ZNF569: variants seen among roughly 807,000 people sequenced by gnomAD.
ZNF569 encodes zinc finger protein 569.
ZNF569 carries 38 observed loss-of-function variants against 56.3 expected under a neutral mutation model. That is an observed-to-expected ratio of 0.68 (90% CI 0.52 to 0.88). The LOEUF is 0.88. ZNF569 is among the 40% of genes least tolerant of loss of function. The pLI is 0.00. For missense variants in ZNF569, 666 were observed against 809.2 expected, an observed-to-expected ratio of 0.82 and a Z score of 2.15; for synonymous variants, 241 against 262.9, an observed-to-expected ratio of 0.92 and a Z score of 0.81.
intron 2 of ZNF569, among the ~76,000 whole-genome samples, chr19:37,448,538 C>T (rs2146949117): frequency 6.8e-6 from 1 of 146,330 alleles, no homozygotes; most frequent in East Asian, 2.0e-4. Flanking sequence ...TTCAAATTGT[C>T]CTGAATTATG....
intron 2 of ZNF569, chr19:37,455,128 G>A: frequency 2.6e-6 from 1 of 388,154 alleles, no homozygotes. Flanking sequence ...AAGTCCTTCA[G>A]TTTATTTTGT....
intron 2 of ZNF569, among the ~76,000 whole-genome samples, chr19:37,462,223 C>T (rs1181182882): frequency 1.3e-5 from 2 of 152,046 alleles, no homozygotes; most frequent in Non-Finnish European, 1.5e-5. Flanking sequence ...CTGTTATTGC[C>T]GTGGTCAAGC....
At chr19:37,424,402 C>T (rs867179349) in intron 5 of ZNF569, among the ~76,000 whole-genome samples, 17 of 152,088 alleles carry the variant, frequency 1.1e-4, no homozygotes, top group African/African-American at 3.9e-4. Flanking sequence ...ATCTAGCACA[C>T]AGGTAAGAAA....
chr19:37,450,825 T>A (rs2041579898), intron 2 of ZNF569, among the ~76,000 whole-genome samples: 1 of 152,206 alleles, frequency 6.6e-6, no homozygotes, highest in South Asian at 2.1e-4. Context: ...ATGTTGTGTT[T>A]TTGTTTGCCT....
intron 2 of ZNF569, among the ~76,000 whole-genome samples, chr19:37,446,567 A>AG (rs2041500335): frequency 7.1e-5 from 10 of 141,000 alleles, no homozygotes; most frequent in African/African-American, 1.9e-4. Flanking sequence ...AAAAAAAAAA[A>AG]AAGAATGAAA....
chr19:37,439,728 A>C (rs937038771), intron 3 of ZNF569, among the ~76,000 whole-genome samples: 1 of 152,232 alleles, frequency 6.6e-6, no homozygotes, highest in East Asian at 1.9e-4. Context: ...ATTCAGCCAT[A>C]AAAAAGAAGA....
chr19:37,467,437 C>T lies in ZNF569; in HGVS notation c.-558G>A, dbSNP rs1284120454. 1.1e-5 allele frequency: 2 copies of T among 174,316 alleles called. No individual in the cohort carries two copies. The highest frequency in any genetic ancestry group is 4.8e-5 in the African/African-American group (2 of 42,010). The allele number at this position is 174,316 out of a possible 1,614,324, so 10.8% of individuals were successfully genotyped here. On this transcript the variant is annotated 5_prime_UTR_variant, in exon 1 of 6. Transcript: ENST00000316950. ...TGAGAAGAATCGAATCGTTCCGCTGCTTCCTGCGCCGAACTACATTTCCCA... is the reference window on the plus strand; with the variant it reads ...TGAGAAGAATCGAATCGTTCCGCTGTTTCCTGCGCCGAACTACATTTCCCA...
chr19:37,419,795 C>T (rs746540304), intron 5 of ZNF569, among the ~76,000 whole-genome samples: 29 of 151,792 alleles, frequency 1.9e-4, no homozygotes, highest in Non-Finnish European at 3.1e-4. Context: ...AAAATGTACA[C>T]CTTAATTTTA....
intron 5 of ZNF569, among the ~76,000 whole-genome samples, chr19:37,420,329 T>C (rs1351832047): frequency 1.3e-5 from 2 of 152,090 alleles, no homozygotes; most frequent in Admixed American, 6.6e-5. Context: ...TTGATTGACT[T>C]TTCTTTCACA....
At chr19:37,423,612 G>A (rs998099784) in intron 5 of ZNF569, among the ~76,000 whole-genome samples, 1 of 152,088 alleles carries the variant, frequency 6.6e-6, no homozygotes, top group Non-Finnish European at 1.5e-5. Flanking sequence ...GTACTTCAAC[G>A]AGGAATAATC....
At chr19:37,441,455 C>T (rs906409666) in intron 3 of ZNF569, among the ~76,000 whole-genome samples, 20 of 152,010 alleles carry the variant, frequency 1.3e-4, no homozygotes, top group Non-Finnish European at 2.8e-4. Flanking sequence ...CCCAGGAGTT[C>T]GAGATCAGCC....
At chr19:37,415,593 G>A (rs62110392) in intron 5 of ZNF569, among the ~76,000 whole-genome samples, 17,007 of 151,930 alleles carry the variant, frequency 0.11, 1,221 homozygotes, top group Non-Finnish European at 0.16. Context: ...TTAAGAGGCC[G>A]GGCGCGGTGG....
upstream of ZNF569, chr19:37,467,892 T>C (rs1600367650): frequency 6.5e-7 from 1 of 1,536,014 alleles, no homozygotes; most frequent in Non-Finnish European, 8.7e-7. Flanking sequence ...TCAGAGACAA[T>C]GTGCATGTAT....
chr19:37,416,618 ATT>A (rs2040937991), intron 5 of ZNF569, among the ~76,000 whole-genome samples: 1 of 152,146 alleles, frequency 6.6e-6, no homozygotes, highest in Non-Finnish European at 1.5e-5. Flanking sequence ...TATGTAAATC[ATT>A]GTTATACTAT....
At chr19:37,468,174 ACT>A (rs2041883233), upstream of ZNF569, 4 of 533,956 alleles carry the variant, frequency 7.5e-6, no homozygotes, top group Admixed American at 3.5e-5. Flanking sequence ...GCAGCCTCGA[ACT>A]CCCGGGCTCA....
At chr19:37,430,194 CA>C (rs57159479) in intron 3 of ZNF569, among the ~76,000 whole-genome samples, 8,275 of 133,008 alleles carry the variant, frequency 0.062, 565 homozygotes, top group African/African-American at 0.17. Context: ...GACCCTATCT[CA>C]AAAAAAAAAA....
Position 37,413,198 on chromosome 19 carries a change from ATT to A in ZNF569, c.1458_1459del (p.Lys486AsnfsTer9). 1 of 1,606,214 alleles carries A rather than the reference ATT, an allele frequency of 6.2e-7. No homozygotes were observed. The highest frequency in any genetic ancestry group is 8.5e-7 in the Non-Finnish European group (1 of 1,177,550). ...TTCATAGGGTTTCTCTCCAGAATGA[ATT>A]TTTTCATGAGCAATGAGATTTGATT... On this transcript the variant is annotated frameshift_variant, in exon 6 of 6. Coordinates refer to ENST00000316950, the MANE Select transcript of ZNF569 (RefSeq NM_152484.3). LOFTEE classifies it high-confidence loss of function.
chr19:37,426,093 T>A (rs2041127144), intron 4 of ZNF569, 130 bp from the exon 5 acceptor site: 1 of 1,305,830 alleles, frequency 7.7e-7, no homozygotes, highest in Admixed American at 2.0e-5. Flanking sequence ...CTGTCCCCTT[T>A]TGCTCTGAAA....
At chr19:37,456,067 AAC>A (rs928011642) in intron 2 of ZNF569, among the ~76,000 whole-genome samples, 5 of 152,216 alleles carry the variant, frequency 3.3e-5, no homozygotes, top group African/African-American at 7.2e-5. Flanking sequence ...TTCTCAGAAA[AAC>A]AGTTTTTCCT....
Sources: gnomAD v4.1 joint callset for allele counts (sites outside exome capture counted in the v4.1 genomes callset) on GRCh38, gnomAD v4.1.1 for gene constraint, MANE v1.5 for transcripts, NCBI Gene and HGNC (gene_info 2026-07-23, HGNC 2026-07-21) for gene names.